The following UBE2Q2 variants were observed in gnomAD, a reference collection of about 807,000 sequenced individuals.
The protein encoded by UBE2Q2 is ubiquitin conjugating enzyme E2 Q2.
In UBE2Q2, 54 loss-of-function variants were observed where a neutral mutation model predicts 59.9. The ratio of observed to expected loss-of-function variants is 0.90; its 90% CI spans 0.72 to 1.13. The LOEUF (loss-of-function observed/expected upper bound fraction) is 1.13, where lower values mean the gene tolerates loss of function less well. Among genes scored for constraint, UBE2Q2 ranks in the 50% most tolerant of loss-of-function variants. The pLI is 0.00. For missense variants in UBE2Q2, 433 were observed against 441.9 expected (o/e 0.98, Z 0.18); for synonymous variants, 165 against 155.2 (o/e 1.06, Z -0.47).
chr15:75,871,279 A>G (rs991250787), intron 4 of UBE2Q2, among the ~76,000 whole-genome samples: 64 of 152,328 alleles, frequency 4.2e-4, no homozygotes, highest in African/African-American at 1.4e-3. Flanking sequence ...GGAACGTACA[A>G]TCGGGTTTTA....
Position 75,868,965 on chromosome 15 carries a change from A to AG in UBE2Q2, c.403dup (p.Glu135GlyfsTer15), listed in dbSNP as rs1897645170. 3 of 1,612,892 alleles carry AG rather than the reference A, an allele frequency of 1.9e-6. No individual in the cohort carries two copies. The South Asian group carries it at 3.3e-5, about 18-fold the overall frequency. ...CTCTGTTTCAGAATGGGACAACAGA[A>AG]GAAGTGACTTCAGAAGAAGAGGAAG... On this transcript the variant is annotated frameshift_variant, in exon 4 of 13. Coordinates refer to ENST00000267938, the MANE Select transcript of UBE2Q2 (RefSeq NM_173469.4). LOFTEE classifies it high-confidence loss of function.
At chr15:75,859,164 G>C (rs80051756) in intron 2 of UBE2Q2, among the ~76,000 whole-genome samples, 1,798 of 152,292 alleles carry the variant, frequency 0.012, 30 homozygotes, top group African/African-American at 0.041. Context: ...AATATGCTTA[G>C]AAAACAATCT....
chr15:75,881,649 G>C (rs1898435515), intron 8 of UBE2Q2, among the ~76,000 whole-genome samples: 1 of 152,170 alleles, frequency 6.6e-6, no homozygotes, highest in Non-Finnish European at 1.5e-5. Flanking sequence ...AGATTTGCAG[G>C]AAAGAGCCAG....
At chr15:75,877,691 T>A (rs1205640326) in intron 6 of UBE2Q2, among the ~76,000 whole-genome samples, 2 of 152,232 alleles carry the variant, frequency 1.3e-5, no homozygotes, top group African/African-American at 2.4e-5. Flanking sequence ...TAAGTACATA[T>A]GATTTTGCAT....
chr15:75,853,154 A>T (rs925071638), intron 1 of UBE2Q2, among the ~76,000 whole-genome samples: 1 of 152,186 alleles, frequency 6.6e-6, no homozygotes, highest in Non-Finnish European at 1.5e-5. Context: ...AGCTTTTTAA[A>T]GAAATCACAT....
At chr15:75,862,628 C>T (rs979695000) in intron 3 of UBE2Q2, among the ~76,000 whole-genome samples, 2 of 150,898 alleles carry the variant, frequency 1.3e-5, no homozygotes, top group Admixed American at 1.3e-4. Flanking sequence ...CCAGCCTGGG[C>T]AACATATTGA....
intron 3 of UBE2Q2, among the ~76,000 whole-genome samples, chr15:75,860,193 T>G (rs556688916): frequency 6.6e-6 from 1 of 152,350 alleles, no homozygotes; most frequent in East Asian, 1.9e-4. Context: ...AGGCAAACAA[T>G]TGCCCTTCTC....
At chr15:75,844,061 C>T (rs1896177217) in intron 1 of UBE2Q2, 1 of 1,409,036 alleles carries the variant, frequency 7.1e-7, no homozygotes, top group Non-Finnish European at 9.2e-7. Flanking sequence ...TCCGGCTTCT[C>T]GCCAGGGGCT....
chr15:75,873,414 T>C lies in UBE2Q2; in HGVS notation c.448-14T>C. The C allele has an allele frequency of 1.9e-6, 3 of 1,569,610 alleles. No homozygotes were observed. The highest frequency in any genetic ancestry group is 1.7e-6 in the Non-Finnish European group (2 of 1,164,802). ...AATAGGTTGAATAAGCTAACATTTT[T>C]CGTCTCTTTGTAGGATATAGAAGAC... On this transcript the variant is annotated splice_polypyrimidine_tract_variant and intron_variant, in intron 4 of 12. Coordinates refer to ENST00000267938, the MANE Select transcript of UBE2Q2 (RefSeq NM_173469.4).
intron 7 of UBE2Q2, among the ~76,000 whole-genome samples, chr15:75,878,592 C>T (rs1373386316): frequency 3.0e-4 from 30 of 101,038 alleles, no homozygotes; most frequent in East Asian, 1.9e-3. Context: ...ATGAGGCACC[C>T]GGTCTCTTAA....
At chr15:75,861,067 C>A (rs759191298) in intron 3 of UBE2Q2, among the ~76,000 whole-genome samples, 17 of 152,154 alleles carry the variant, frequency 1.1e-4, no homozygotes, top group Non-Finnish European at 1.0e-4. Flanking sequence ...CATCAATTTT[C>A]CATTGGCAAA....
At chr15:75,860,039 C>A in intron 3 of UBE2Q2, 57 bp downstream of exon 3, 2 of 1,219,480 alleles carry the variant, frequency 1.6e-6, no homozygotes, top group Non-Finnish European at 2.3e-6. Flanking sequence ...AAGCAAAAGT[C>A]AAACTAGGAT....
At position 75,887,187 on chromosome 15, in the gene UBE2Q2, A is replaced by G. The variant is rs180681326; in HGVS notation, c.885-3248A>G. 5.6e-4 allele frequency among the ~76,000 whole-genome samples: 85 copies of G among 152,298 alleles called. 1 individual carries two copies. Among genetic ancestry groups the G allele is most frequent in the African/African-American group, 2.0e-3 (85 of 41,568 alleles). On this transcript the variant is annotated intron_variant, in intron 9 of 12. Coordinates refer to ENST00000267938, the MANE Select transcript of UBE2Q2 (RefSeq NM_173469.4). ...CTTTCATTATACCAAAGCCAGCTAT[A>G]TAAGAGGGGATTAAAAGTACTAAGT...
rs1898696573 is a variant in UBE2Q2, at chr15:75,885,314, C to T, written c.884+1890C>T. 2.6e-5 allele frequency among the ~76,000 whole-genome samples: 4 copies of T among 152,210 alleles called. No homozygotes were observed. In the East Asian group the frequency reaches 7.8e-4, roughly 29 times the overall value. On this transcript the variant is annotated intron_variant, in intron 9 of 12. Transcript: ENST00000267938. ...TGTGTTTTTAGTGGAGATGGGGTTT[C>T]ACCATGTTGGCCAGGATGGTCTCTA...
chr15:75,855,132 A>T (rs1326892380), intron 2 of UBE2Q2, among the ~76,000 whole-genome samples: 1 of 152,184 alleles, frequency 6.6e-6, no homozygotes, highest in South Asian at 2.1e-4. Context: ...AGTAAAATAC[A>T]TATACCTTTA....
intron 4 of UBE2Q2, among the ~76,000 whole-genome samples, chr15:75,869,386 C>T (rs770178068): frequency 2.6e-5 from 4 of 152,206 alleles, no homozygotes; most frequent in East Asian, 3.8e-4. Flanking sequence ...AGGGACTACT[C>T]GCCAGAAGTA....
chr15:75,859,117 T>C (rs768729131), intron 2 of UBE2Q2, among the ~76,000 whole-genome samples: 1 of 152,200 alleles, frequency 6.6e-6, no homozygotes, highest in Non-Finnish European at 1.5e-5. Context: ...ACACCATACT[T>C]GTGCACATGA....
intron 1 of UBE2Q2, among the ~76,000 whole-genome samples, chr15:75,846,762 G>T (rs1310880914): frequency 6.6e-6 from 1 of 152,088 alleles, no homozygotes; most frequent in Non-Finnish European, 1.5e-5. Flanking sequence ...GCTAGGACTT[G>T]TTTTCTTTAT....
rs59289858 is a variant in UBE2Q2, at chr15:75,877,159, CAAAAAAAAAA to C, written c.674-787_674-778del. On this transcript the variant is annotated intron_variant, in intron 6 of 12. Coordinates refer to ENST00000267938, the MANE Select transcript of UBE2Q2 (RefSeq NM_173469.4). ...CTGGGCAGCAAGAGTGAGACTCTGT[CAAAAAAAAAA>C]AAAAAAAAAAAAAAGGGTTATGACC... 1.8e-4 allele frequency among the ~76,000 whole-genome samples: 12 copies of C among 67,686 alleles called. 1 individual carries two copies. The South Asian group carries it at 6.1e-3, about 34-fold the overall frequency. 44.4% of individuals were successfully genotyped at this position (67,686 alleles called of 152,430 possible).
Sources: gnomAD v4.1 joint callset for allele counts (sites outside exome capture counted in the v4.1 genomes callset) on GRCh38, gnomAD v4.1.1 for gene constraint, MANE v1.5 for transcripts, NCBI Gene and HGNC (gene_info 2026-07-23, HGNC 2026-07-21) for gene names.